The following HSD17B4 variants were observed in gnomAD, a reference collection of about 807,000 sequenced individuals.
The protein encoded by HSD17B4 is hydroxysteroid 17-beta dehydrogenase 4, also known as peroxisomal multifunctional enzyme type 2.
In HSD17B4, 70 loss-of-function variants were observed where a neutral mutation model predicts 101.0. That is an observed-to-expected ratio of 0.69 (90% CI 0.57 to 0.85). The LOEUF (loss-of-function observed/expected upper bound fraction) is 0.85. Among genes scored for constraint, HSD17B4 ranks in the 40% least tolerant of loss-of-function variants. The pLI, the probability that HSD17B4 is intolerant of heterozygous loss-of-function variation, is 0.00. For missense variants in HSD17B4, 984 were observed against 892.4 expected (o/e 1.10, Z -1.31); for synonymous variants, 347 against 297.1 (o/e 1.17, Z -1.73).
chr5:119,477,680 A>T lies in HSD17B4; in HGVS notation c.434+179A>T, dbSNP rs141056661. On this transcript the variant is annotated intron_variant, in intron 7 of 23. Coordinates refer to ENST00000510025, the MANE Select transcript of HSD17B4 (RefSeq NM_000414.4). Reference sequence around the variant, plus strand: ...TTAAATTGGTATAATTTAGTCACAGATTGGCTGAGCTGGAAAGCTTTATAT... The same window carrying T: ...TTAAATTGGTATAATTTAGTCACAGTTTGGCTGAGCTGGAAAGCTTTATAT... 7.6e-5 allele frequency: 47 copies of T among 616,664 alleles called. No individual in the cohort carries two copies. The East Asian group carries it at 1.3e-3, about 18-fold the overall frequency. The allele number at this position is 616,664 out of a possible 1,614,324, so 38.2% of individuals were successfully genotyped here. A position where few individuals can be genotyped will look rare whatever the true frequency, so the allele number is the denominator to read the frequency against.
chr5:119,541,892 C>G lies in HSD17B4; in HGVS notation c.2122-13C>G. 6.4e-7 allele frequency: 1 copy of G among 1,561,124 alleles called. No individual in the cohort carries two copies. ...GTAACAGTTGGCACTCTTTTTCCCTCCTCTCCTTGCAGGCATTCTTTAGTG... is the reference window on the plus strand; with the variant it reads ...GTAACAGTTGGCACTCTTTTTCCCTGCTCTCCTTGCAGGCATTCTTTAGTG... On this transcript the variant is annotated splice_polypyrimidine_tract_variant and intron_variant, in intron 23 of 23. Coordinates refer to ENST00000510025, the MANE Select transcript of HSD17B4 (RefSeq NM_000414.4).
At chr5:119,517,029 C>G (rs557307590) in intron 17 of HSD17B4, among the ~76,000 whole-genome samples, 2 of 152,370 alleles carry the variant, frequency 1.3e-5, no homozygotes, top group East Asian at 1.9e-4. Context: ...ATCAGCCCAC[C>G]GCTGCACTGT....
At chr5:119,490,582 T>C (rs1750009516) in intron 9 of HSD17B4, among the ~76,000 whole-genome samples, 1 of 152,116 alleles carries the variant, frequency 6.6e-6, no homozygotes, top group South Asian at 2.1e-4. Flanking sequence ...TTATTTTTTT[T>C]GAGGCAGAGT....
chr5:119,470,169 G>A (rs1396423823), intron 2 of HSD17B4, among the ~76,000 whole-genome samples: 2 of 152,092 alleles, frequency 1.3e-5, no homozygotes, highest in African/African-American at 4.8e-5. Context: ...CCTGGTGGCA[G>A]CGTCCCCATT....
intron 22 of HSD17B4, chr5:119,536,151 C>A (rs984467289): frequency 3.9e-5 from 16 of 406,238 alleles, no homozygotes; most frequent in South Asian, 3.6e-4. Context: ...TCTATAAACT[C>A]AAGGTGATGG....
intron 22 of HSD17B4, 159 bp from the exon 23 acceptor site, chr5:119,536,264 A>G (rs1208272090): frequency 1.6e-5 from 11 of 695,248 alleles, no homozygotes; most frequent in Middle Eastern, 2.8e-4. Flanking sequence ...CTTTTTTTCT[A>G]AATGACAGAT....
At chr5:119,476,789 C>A (rs908109683) in intron 6 of HSD17B4, 2 of 768,392 alleles carry the variant, frequency 2.6e-6, no homozygotes, top group Non-Finnish European at 3.2e-6. Flanking sequence ...CCCTCTCTTT[C>A]TTTTTTTTAG....
At chr5:119,465,513 A>G (rs1281674065) in intron 2 of HSD17B4, among the ~76,000 whole-genome samples, 3 of 152,182 alleles carry the variant, frequency 2.0e-5, no homozygotes, top group Non-Finnish European at 4.4e-5. Flanking sequence ...CCTTACGAGG[A>G]GTAGATGCTG....
intron 10 of HSD17B4, chr5:119,493,073 A>G (rs1379224438): frequency 2.0e-5 from 3 of 152,196 alleles, no homozygotes; most frequent in African/African-American, 7.2e-5. Flanking sequence ...TTTTGCAGTA[A>G]AAGCTATATC....
At chr5:119,471,607 A>G in intron 2 of HSD17B4, 6 of 1,003,050 alleles carry the variant, frequency 6.0e-6, no homozygotes, top group Admixed American at 3.2e-5. Context: ...TATGCTATTT[A>G]TTAATTAGTA....
At chr5:119,469,635 G>A (rs1054422900) in intron 2 of HSD17B4, among the ~76,000 whole-genome samples, 1 of 152,146 alleles carries the variant, frequency 6.6e-6, no homozygotes, top group Non-Finnish European at 1.5e-5. Flanking sequence ...GATTGCAGGC[G>A]TGAGCCACTG....
At chr5:119,499,281 T>C in intron 12 of HSD17B4, 36 bp from the exon 13 acceptor site, 1 of 1,407,510 alleles carries the variant, frequency 7.1e-7, no homozygotes. Flanking sequence ...TGAAAAGTTA[T>C]CAATGAAATA....
chr5:119,506,582 G>A (rs1470149292), intron 14 of HSD17B4, among the ~76,000 whole-genome samples: 2 of 152,138 alleles, frequency 1.3e-5, no homozygotes, highest in Non-Finnish European at 2.9e-5. Context: ...GATCCTTGAG[G>A]AATCGCCACA....
intron 14 of HSD17B4, among the ~76,000 whole-genome samples, chr5:119,503,076 T>TTTG (rs1356722542): frequency 2.1e-5 from 3 of 140,534 alleles, no homozygotes; most frequent in African/African-American, 8.1e-5. Context: ...ACCTTGGAAA[T>TTTG]TGTGTGTGTG....
At chr5:119,523,079 C>T (rs1753256826) in intron 17 of HSD17B4, among the ~76,000 whole-genome samples, 1 of 151,930 alleles carries the variant, frequency 6.6e-6, no homozygotes, top group Non-Finnish European at 1.5e-5. Context: ...TGTTCTCTGT[C>T]TTCTAGTTAC....
intron 22 of HSD17B4, chr5:119,536,095 C>G: frequency 7.0e-6 from 2 of 285,980 alleles, no homozygotes; most frequent in South Asian, 7.2e-5. Context: ...TGAATACAAT[C>G]TCTTTCTTCA....
chr5:119,529,910 A>G lies in HSD17B4; in HGVS notation c.1784A>G (p.Asp595Gly). ...HFQTKVQETG[D>G]IVISNAYVDL... is the part of the protein sequence containing the mutation. ...CCTCCTAAGGTCCAAGAAACTGGAGACATTGTCATTTCAAATGCATATGTG... is the reference window on the plus strand; with the variant it reads ...CCTCCTAAGGTCCAAGAAACTGGAGGCATTGTCATTTCAAATGCATATGTG... Residue 595 changes from aspartate (D) to glycine (G), a missense_variant, in exon 21 of 24, where the codon GAC becomes GGC. Coordinates refer to ENST00000510025, the MANE Select transcript of HSD17B4 (RefSeq NM_000414.4). 2 of 1,604,066 alleles carry G rather than the reference A, an allele frequency of 1.2e-6. No homozygotes were observed. Among genetic ancestry groups the G allele is most frequent in the Non-Finnish European group, 1.7e-6 (2 of 1,171,604 alleles).
At chr5:119,510,688 T>A (rs988475844) in intron 16 of HSD17B4, among the ~76,000 whole-genome samples, 8 of 152,132 alleles carry the variant, frequency 5.3e-5, no homozygotes, top group Non-Finnish European at 1.2e-4. Flanking sequence ...GAAAATCTAT[T>A]ATATTTTGGT....
At position 119,463,655 on chromosome 5, in the gene HSD17B4, C is replaced by CTTTTTTT. The variant is rs57252147; in HGVS notation, c.112+7311_112+7317dup. ...ATATACTTCTTGGCCATTTATATGT[C>CTTTTTTT]TTTTTTTTTTTTTTTTTTTTTTTTT... On this transcript the variant is annotated intron_variant, in intron 2 of 23. Transcript: ENST00000510025. Among the ~76,000 whole-genome samples, 9 of 29,700 alleles carry CTTTTTTT rather than the reference C, an allele frequency of 3.0e-4. 1 individual carries two copies. Among genetic ancestry groups the CTTTTTTT allele is most frequent in the Non-Finnish European group, 4.8e-4 (6 of 12,394 alleles). 19.5% of individuals were successfully genotyped at this position (29,700 alleles called of 152,430 possible).
Sources: gnomAD v4.1 joint callset for allele counts (sites outside exome capture counted in the v4.1 genomes callset) on GRCh38, gnomAD v4.1.1 for gene constraint, MANE v1.5 for transcripts, NCBI Gene and HGNC (gene_info 2026-07-23, HGNC 2026-07-21) for gene names.